The following RGMA variants were observed in gnomAD, a reference collection of about 807,000 sequenced individuals.
RGMA encodes repulsive guidance molecule BMP co-receptor a, also known as repulsive guidance molecule A.
Under a neutral mutation model 23.2 loss-of-function variants are expected in RGMA, and 10 were observed. That is an observed-to-expected ratio of 0.43 (90% CI 0.27 to 0.73). The LOEUF (loss-of-function observed/expected upper bound fraction) is 0.73. Among genes scored for constraint, RGMA ranks in the 30% least tolerant of loss-of-function variants. The pLI is 0.20. For synonymous variants in RGMA, 308 were observed against 279.3 expected (o/e 1.10, Z -1.03); for missense variants, 547 against 630.5 (o/e 0.87, Z 1.42).
At chr15:93,088,534 G>A (rs1895680410) in intron 1 of RGMA, 11 of 1,002,820 alleles carry the variant, frequency 1.1e-5, no homozygotes, top group African/African-American at 1.7e-5. Context: ...GCGGGGGCCC[G>A]GGCGGCGCGG....
chr15:93,037,276 C>T lies in RGMA; in HGVS notation c.*7722G>A, dbSNP rs993594765. ...GGAAAACCCACCCTTTTCATGCAGC[C>T]AGTAGGTGACAGAGCTGGGAGCCTG... On this transcript the variant is annotated 3_prime_UTR_variant, in exon 4 of 4. Transcript: ENST00000329082. This position sits in a 1 kb window ranked among gnomAD's most constrained non-coding sequence, Gnocchi z 4.3. The T allele has an allele frequency of 1.3e-5, 2 of 152,230 alleles. No individual in the cohort carries two copies. The highest frequency in any genetic ancestry group is 1.3e-4 in the Admixed American group (2 of 15,278). The allele number at this position is 152,230 out of a possible 1,614,324, so 9.4% of individuals were successfully genotyped here. A position where few individuals can be genotyped will look rare whatever the true frequency, so the allele number is the denominator to read the frequency against.
chr15:93,083,219 ACT>A (rs1163428389), intron 1 of RGMA, among the ~76,000 whole-genome samples: 1 of 152,178 alleles, frequency 6.6e-6, no homozygotes, highest in Non-Finnish European at 1.5e-5. Context: ...GCAATGTAAA[ACT>A]CTCATAGCAT....
rs1024844692 is a variant in RGMA at position 93,040,955 on chromosome 15, G to A, written c.*4043C>T. ...TCCATTTTACAAATAAGGAATCTAA[G>A]GCTCAAAAAATCCCAAGGAGACCAC... is the stretch of plus-strand genomic sequence containing the variant. On this transcript the variant is annotated 3_prime_UTR_variant, in exon 4 of 4. Coordinates refer to ENST00000329082, the MANE Select transcript of RGMA (RefSeq NM_020211.3). The A allele has an allele frequency of 6.6e-6, 1 of 152,104 alleles. No individual in the cohort carries two copies. Among genetic ancestry groups the A allele is most frequent in the Non-Finnish European group, 1.5e-5 (1 of 68,034 alleles). The allele number at this position is 152,104 out of a possible 1,614,324, so 9.4% of individuals were successfully genotyped here. A position where few individuals can be genotyped will look rare whatever the true frequency, so the allele number is the denominator to read the frequency against.
intron 2 of RGMA, among the ~76,000 whole-genome samples, 173 bp from the exon 3 acceptor site, chr15:93,052,680 A>T (rs530562282): frequency 6.6e-6 from 1 of 152,114 alleles, no homozygotes; most frequent in Non-Finnish European, 1.5e-5. Context: ...GGGTCCTTCT[A>T]CCCAGCCTAT....
chr15:93,047,280 A>G (rs549103487), intron 3 of RGMA, among the ~76,000 whole-genome samples: 2 of 152,268 alleles, frequency 1.3e-5, no homozygotes, highest in South Asian at 2.1e-4. Flanking sequence ...GGTTGGAAAC[A>G]GAGAAACTGG....
chr15:93,088,599 G>T, intron 1 of RGMA: 1 of 1,067,130 alleles, frequency 9.4e-7, no homozygotes. Flanking sequence ...CCGGGGCTCC[G>T]CGAGCCGGGC....
At chr15:93,056,054 C>T (rs2055007976) in intron 2 of RGMA, among the ~76,000 whole-genome samples, 4 of 152,220 alleles carry the variant, frequency 2.6e-5, no homozygotes, top group Admixed American at 2.6e-4. Context: ...ACTGGGTGGC[C>T]TGGGACCCAG....
chr15:93,067,002 T>C (rs1366404000), intron 2 of RGMA, among the ~76,000 whole-genome samples: 3 of 152,252 alleles, frequency 2.0e-5, no homozygotes, highest in African/African-American at 4.8e-5. Flanking sequence ...CTTAAGGCAT[T>C]TGGCAGAATG....
intron 2 of RGMA, among the ~76,000 whole-genome samples, chr15:93,061,736 G>T (rs1280643752): frequency 6.6e-6 from 1 of 152,222 alleles, no homozygotes; most frequent in Non-Finnish European, 1.5e-5. Context: ...ACCAACGCTG[G>T]CAGGATGAAA....
chr15:93,059,666 G>A (rs1439900798), intron 2 of RGMA, among the ~76,000 whole-genome samples: 4 of 152,160 alleles, frequency 2.6e-5, no homozygotes, highest in African/African-American at 4.8e-5. Context: ...CTGGAGTGAG[G>A]GGCCCTGACC....
At chr15:93,055,210 G>A (rs35193579) in intron 2 of RGMA, among the ~76,000 whole-genome samples, 48,627 of 151,984 alleles carry the variant, frequency 0.32, 8,079 homozygotes, top group East Asian at 0.57. Context: ...CTCAAGCTCC[G>A]GTTCACCTGT....
Position 93,041,361 on chromosome 15 carries a change from C to T in RGMA, c.*3637G>A, listed in dbSNP as rs2141780596. 6.6e-6 allele frequency: 1 copy of T among 152,380 alleles called. No individual in the cohort carries two copies. The highest frequency in any genetic ancestry group is 1.9e-4 in the East Asian group (1 of 5,188). 9.4% of individuals were successfully genotyped at this position (152,380 alleles called of 1,614,324 possible). On this transcript the variant is annotated 3_prime_UTR_variant, in exon 4 of 4. Transcript: ENST00000329082. Reference sequence around the variant, plus strand: ...CTCCGCGGAGCTGGCAGCCAGGAACCTCCAGAGGCTCCCAACCTAGCCCGT... The same window carrying T: ...CTCCGCGGAGCTGGCAGCCAGGAACTTCCAGAGGCTCCCAACCTAGCCCGT...
chr15:93,066,352 G>A (rs922096228), intron 2 of RGMA: 8 of 766,340 alleles, frequency 1.0e-5, no homozygotes, highest in African/African-American at 8.5e-5. Context: ...CCCAGGACTC[G>A]GAGTGCCAGC....
At chr15:93,046,748 G>C (rs916784077) in intron 3 of RGMA, among the ~76,000 whole-genome samples, 2 of 152,192 alleles carry the variant, frequency 1.3e-5, no homozygotes, top group African/African-American at 4.8e-5. Context: ...GAACAGGAAA[G>C]GAGCAAGGTG....
At chr15:93,057,671 T>A (rs1198445920) in intron 2 of RGMA, among the ~76,000 whole-genome samples, 2 of 152,130 alleles carry the variant, frequency 1.3e-5, no homozygotes, top group African/African-American at 4.8e-5. Flanking sequence ...TCCTGCACCC[T>A]CCCAAGTCAC....
intron 2 of RGMA, among the ~76,000 whole-genome samples, chr15:93,070,397 A>C (rs1895284564): frequency 6.6e-6 from 1 of 152,170 alleles, no homozygotes; most frequent in Non-Finnish European, 1.5e-5. Context: ...GGGAGAGGCC[A>C]AGGCACACAG....
intron 2 of RGMA, among the ~76,000 whole-genome samples, chr15:93,064,443 G>A (rs192176689): frequency 5.3e-5 from 8 of 152,338 alleles, no homozygotes; most frequent in Admixed American, 1.3e-4. Flanking sequence ...CCTAGCCTGC[G>A]GGTCTAAATG....
chr15:93,062,205 C>T (rs1050474908), intron 2 of RGMA, among the ~76,000 whole-genome samples: 6 of 152,202 alleles, frequency 3.9e-5, no homozygotes, highest in African/African-American at 1.4e-4. Flanking sequence ...CAATTACTTG[C>T]TCCAAGTTCT....
intron 2 of RGMA, among the ~76,000 whole-genome samples, chr15:93,071,735 A>C (rs976499721): frequency 1.3e-5 from 2 of 152,250 alleles, no homozygotes; most frequent in Non-Finnish European, 2.9e-5. Context: ...CTTGAAACCC[A>C]GTTGGCGGAA....
Sources: allele counts gnomAD v4.1 joint callset (sites outside exome capture counted in the v4.1 genomes callset), GRCh38; gene constraint gnomAD v4.1.1; non-coding constraint Gnocchi (gnomAD v3.1); transcripts MANE v1.5; gene names NCBI Gene and HGNC (gene_info 2026-07-23, HGNC 2026-07-21).